LARGE1: variants seen among roughly 807,000 people sequenced by gnomAD.
LARGE1 encodes LARGE xylosyl- and glucuronyltransferase 1.
In LARGE1, 43 loss-of-function variants were observed where a neutral mutation model predicts 87.6. That is an observed-to-expected ratio of 0.49 (90% CI 0.38 to 0.63). The LOEUF is 0.63. LARGE1 is among the 30% of genes least tolerant of loss of function. The pLI is 0.00. For synonymous variants in LARGE1, 434 were observed against 394.6 expected, an observed-to-expected ratio of 1.10 and a Z score of -1.18; for missense variants, 802 against 1,000.2, an observed-to-expected ratio of 0.80 and a Z score of 2.67.
At position 33,480,109 on chromosome 22, in the gene LARGE1, C is replaced by T. The variant is rs2069251947; in HGVS notation, c.788-47844G>A. ...TGACTACATCAAGACGCTGACCCTG[C>T]CCCCCAGGAGCTACTCAAAGCAACG... On this transcript the variant is annotated intron_variant, in intron 6 of 14. Coordinates refer to ENST00000397394, the MANE Select transcript of LARGE1 (RefSeq NM_133642.5). Among the ~76,000 whole-genome samples the T allele has an allele frequency of 3.3e-5, 5 of 152,172 alleles. No individual in the cohort carries two copies. The South Asian group carries it at 6.2e-4, about 19-fold the overall frequency.
At chr22:33,690,201 A>C (rs1414481157) in intron 2 of LARGE1, among the ~76,000 whole-genome samples, 1 of 152,190 alleles carries the variant, frequency 6.6e-6, no homozygotes, top group African/African-American at 2.4e-5. Flanking sequence ...ACAGAACCCA[A>C]AAAGTAGAAA....
intron 11 of LARGE1, among the ~76,000 whole-genome samples, chr22:33,227,182 G>A (rs1306926341): frequency 1.3e-5 from 2 of 152,114 alleles, no homozygotes; most frequent in African/African-American, 4.8e-5. Context: ...CCATTTGACA[G>A]ACAAAGACAC....
intron 6 of LARGE1, among the ~76,000 whole-genome samples, chr22:33,513,047 G>A (rs2071128225): frequency 6.6e-6 from 1 of 152,066 alleles, no homozygotes. Flanking sequence ...TCCCAGAGAT[G>A]CAAACCTTCC....
At chr22:33,449,379 C>T (rs1350025712) in intron 6 of LARGE1, among the ~76,000 whole-genome samples, 4 of 152,080 alleles carry the variant, frequency 2.6e-5, no homozygotes, top group Non-Finnish European at 5.9e-5. Flanking sequence ...GTGCAGAGCT[C>T]CCCCAGGGTA....
chr22:33,236,126 G>T (rs9607028), intron 11 of LARGE1, among the ~76,000 whole-genome samples: 52,574 of 151,930 alleles, frequency 0.35, 9,511 homozygotes, highest in Non-Finnish European at 0.41. Context: ...TCCCCCTTTA[G>T]ATCCCCCAAA....
chr22:33,282,774 TA>T (rs1569010337), intron 13 of LARGE1, among the ~76,000 whole-genome samples: 1 of 151,512 alleles, frequency 6.6e-6, no homozygotes, highest in Non-Finnish European at 1.5e-5. Context: ...ATACCACAAA[TA>T]AAAAGGAAAA....
chr22:33,541,776 G>T (rs958515853), intron 6 of LARGE1, among the ~76,000 whole-genome samples: 1 of 149,264 alleles, frequency 6.7e-6, no homozygotes, highest in Non-Finnish European at 1.5e-5. Flanking sequence ...CAGTGCTGAT[G>T]TCATGGGATA....
chr22:33,831,342 T>A (rs1282113069), intron 1 of LARGE1, among the ~76,000 whole-genome samples: 1 of 152,228 alleles, frequency 6.6e-6, no homozygotes, highest in Non-Finnish European at 1.5e-5. Flanking sequence ...TGATCTTGCA[T>A]GTGCGTGCAT....
chr22:33,606,902 T>C (rs1321161877), intron 4 of LARGE1, among the ~76,000 whole-genome samples: 2 of 152,144 alleles, frequency 1.3e-5, no homozygotes, highest in African/African-American at 2.4e-5. Flanking sequence ...TTCCTAACTG[T>C]TATCCCAGCC....
At chr22:33,391,764 C>CTT (rs1569122061) in intron 7 of LARGE1, among the ~76,000 whole-genome samples, 12 of 141,872 alleles carry the variant, frequency 8.5e-5, no homozygotes, top group African/African-American at 2.1e-4. Context: ...TTTCCTTTTT[C>CTT]CTTTTTTTTT....
At chr22:33,770,932 G>A (rs1228054647) in intron 1 of LARGE1, among the ~76,000 whole-genome samples, 5 of 151,950 alleles carry the variant, frequency 3.3e-5, no homozygotes, top group African/African-American at 1.2e-4. Context: ...TGATGAAAAT[G>A]CCCATCCAAA....
At chr22:33,828,137 T>C (rs1454612464) in intron 1 of LARGE1, among the ~76,000 whole-genome samples, 1 of 152,172 alleles carries the variant, frequency 6.6e-6, no homozygotes, top group African/African-American at 2.4e-5. Context: ...GGGGAGAAGA[T>C]GAGCTCTGCA....
intron 6 of LARGE1, among the ~76,000 whole-genome samples, chr22:33,467,147 C>T (rs939251335): frequency 6.6e-6 from 1 of 152,198 alleles, no homozygotes. Flanking sequence ...GGTGTTAATT[C>T]CAAGAGTGAG....
intron 11 of LARGE1, among the ~76,000 whole-genome samples, chr22:33,236,150 G>A (rs1371506611): frequency 1.3e-5 from 2 of 152,156 alleles, no homozygotes; most frequent in Non-Finnish European, 2.9e-5. Flanking sequence ...AACCAACTCT[G>A]CTGACACCTT....
chr22:33,262,276 G>C (rs555836255), intron 11 of LARGE1, among the ~76,000 whole-genome samples: 2 of 152,250 alleles, frequency 1.3e-5, no homozygotes, highest in African/African-American at 4.8e-5. Context: ...CTTCCTAAAA[G>C]AACTCCTGGA....
intron 10 of LARGE1, among the ~76,000 whole-genome samples, chr22:33,332,928 C>T (rs993197084): frequency 5.3e-5 from 8 of 152,154 alleles, no homozygotes; most frequent in Non-Finnish European, 1.0e-4. Context: ...ACAAAACAAT[C>T]CATCTGCTCT....
chr22:33,752,960 G>A (rs1285766520), intron 2 of LARGE1, among the ~76,000 whole-genome samples: 1 of 152,178 alleles, frequency 6.6e-6, no homozygotes. Context: ...GGCAGCTCAC[G>A]CCTGTAATCC....
intron 11 of LARGE1, among the ~76,000 whole-genome samples, chr22:33,233,465 C>T (rs1267820691): frequency 6.6e-6 from 1 of 152,094 alleles, no homozygotes; most frequent in African/African-American, 2.4e-5. Context: ...TAGCTTTCAC[C>T]CCATTCCTTC....
chr22:33,504,555 T>C (rs546574115), intron 6 of LARGE1, among the ~76,000 whole-genome samples: 241 of 152,288 alleles, frequency 1.6e-3, no homozygotes, highest in Non-Finnish European at 2.6e-3. Context: ...CCATTGGAAA[T>C]ATATCTTTTT....
Sources: allele counts gnomAD v4.1 joint callset (sites outside exome capture counted in the v4.1 genomes callset), GRCh38; gene constraint gnomAD v4.1.1; transcripts MANE v1.5; gene names NCBI Gene and HGNC (gene_info 2026-07-23, HGNC 2026-07-21).